SOAT1: variants seen among roughly 807,000 people sequenced by gnomAD.
The protein encoded by SOAT1 is acyl-coenzyme A:cholesterol acyltransferase 1.
Under a neutral mutation model 69.5 loss-of-function variants are expected in SOAT1, and 55 were observed. The ratio of observed to expected loss-of-function variants is 0.79; its 90% CI spans 0.64 to 0.99. SOAT1 has a LOEUF of 0.99. SOAT1 is among the 50% of genes least tolerant of loss of function. The pLI is 0.00. For missense variants in SOAT1, 580 were observed against 669.3 expected (o/e 0.87, Z 1.47); for synonymous variants, 231 against 224.7 (o/e 1.03, Z -0.25).
intron 1 of SOAT1, among the ~76,000 whole-genome samples, chr1:179,299,565 T>G (rs1558034321): frequency 1.3e-5 from 2 of 151,954 alleles, no homozygotes; most frequent in Non-Finnish European, 2.9e-5. Context: ...ATTTGGAAAA[T>G]AACAATAGTA....
Position 179,343,005 on chromosome 1 carries a change from A to T in SOAT1, c.941+62A>T, listed in dbSNP as rs1393991925. The T allele has an allele frequency of 3.1e-6, 4 of 1,295,920 alleles. No individual in the cohort carries two copies. In the South Asian group the frequency reaches 4.7e-5, roughly 15 times the overall value. The allele number at this position is 1,295,920 out of a possible 1,614,324, so 80.3% of individuals were successfully genotyped here. Reference sequence around the variant, plus strand: ...AAAAGTGTGGCATGAGTGAGGTGGGATAGGTAAACAGGGGCCAGTTCATGT... The same window carrying T: ...AAAAGTGTGGCATGAGTGAGGTGGGTTAGGTAAACAGGGGCCAGTTCATGT... On this transcript the variant is annotated intron_variant, in intron 9 of 15. Coordinates refer to ENST00000367619, the MANE Select transcript of SOAT1 (RefSeq NM_003101.6).
At chr1:179,323,045 C>CT (rs36045111) in intron 2 of SOAT1, among the ~76,000 whole-genome samples, 40,706 of 126,600 alleles carry the variant, frequency 0.32, 6,908 homozygotes, top group Non-Finnish European at 0.37. Flanking sequence ...TCTTTTCTTT[C>CT]TTTTTTTTTT....
chr1:179,306,063 CAA>C (rs1664991819), intron 2 of SOAT1, among the ~76,000 whole-genome samples: 1 of 152,072 alleles, frequency 6.6e-6, no homozygotes, highest in Non-Finnish European at 1.5e-5. Context: ...TATGCATTTG[CAA>C]AGACTTTTTA....
chr1:179,308,070 G>A (rs1268164240), intron 2 of SOAT1, among the ~76,000 whole-genome samples: 2 of 152,084 alleles, frequency 1.3e-5, no homozygotes, highest in East Asian at 1.9e-4. Flanking sequence ...TATTACAGGC[G>A]TGAGCCACTG....
At chr1:179,304,570 G>C (rs1410159507) in intron 2 of SOAT1, among the ~76,000 whole-genome samples, 1 of 151,898 alleles carries the variant, frequency 6.6e-6, no homozygotes, top group Non-Finnish European at 1.5e-5. Context: ...GAGCCACCAT[G>C]CCCAGCCCTT....
chr1:179,297,695 C>G (rs1664697036), intron 1 of SOAT1, among the ~76,000 whole-genome samples: 1 of 145,942 alleles, frequency 6.9e-6, no homozygotes, highest in African/African-American at 2.6e-5. Flanking sequence ...GATCATGCCA[C>G]TGCACTTCAA....
intron 2 of SOAT1, among the ~76,000 whole-genome samples, chr1:179,315,786 G>T (rs1443399323): frequency 6.6e-6 from 1 of 152,148 alleles, no homozygotes. Flanking sequence ...TTTTGGAAGG[G>T]ATGCACAAGT....
intron 15 of SOAT1, among the ~76,000 whole-genome samples, chr1:179,351,721 ATT>A (rs71901753): frequency 2.9e-4 from 31 of 106,440 alleles, no homozygotes; most frequent in Non-Finnish European, 3.2e-4. Flanking sequence ...GCCCCTTCTA[ATT>A]TTTTTTTTTT....
chr1:179,301,043 C>T (rs1012417076), intron 1 of SOAT1, among the ~76,000 whole-genome samples: 4 of 152,036 alleles, frequency 2.6e-5, no homozygotes, highest in African/African-American at 9.7e-5. Context: ...TGCAGTGAGC[C>T]GAGATTGCAC....
chr1:179,341,860 AT>A (rs1666351451), intron 7 of SOAT1: 2 of 219,274 alleles, frequency 9.1e-6, no homozygotes, highest in African/African-American at 4.7e-5. Flanking sequence ...ATGCATCAAG[AT>A]TTTGTTTCTG....
rs1666826251 is a variant in SOAT1, at chr1:179,353,792, G to T, written c.*151G>T. On this transcript the variant is annotated 3_prime_UTR_variant, in exon 16 of 16. Transcript: ENST00000367619. ...TCACTCCATTCCTAGGTCACTTGAA[G>T]CCAAACTGTTGGAAGTTCACTGGAG... is the stretch of plus-strand genomic sequence containing the variant. The T allele has an allele frequency of 1.4e-6, 1 of 692,476 alleles. No individual in the cohort carries two copies. The highest frequency in any genetic ancestry group is 2.5e-4 in the Middle Eastern group (1 of 4,050). 42.9% of individuals were successfully genotyped at this position (692,476 alleles called of 1,614,324 possible).
intron 11 of SOAT1, among the ~76,000 whole-genome samples, chr1:179,346,779 A>G (rs558446329): frequency 3.9e-5 from 6 of 152,178 alleles, no homozygotes; most frequent in South Asian, 2.1e-4. Context: ...CTCTCCTCCA[A>G]TTGTCACAGC....
chr1:179,308,879 A>C (rs534208459), intron 2 of SOAT1, among the ~76,000 whole-genome samples: 2 of 152,128 alleles, frequency 1.3e-5, no homozygotes, highest in East Asian at 3.9e-4. Flanking sequence ...TATACTTTGT[A>C]AGTCTCAGAT....
At position 179,342,886 on chromosome 1, in the gene SOAT1, AC is replaced by A; in HGVS notation, c.886del (p.Gln296SerfsTer23). 6.2e-7 allele frequency: 1 copy of A among 1,613,760 alleles called. No individual in the cohort carries two copies. The highest frequency in any genetic ancestry group is 8.5e-7 in the Non-Finnish European group (1 of 1,179,692). ...KSSTVPIPTVNQYLYFLFAPT... is the reference protein window; with the variant it reads ...KSSTVPIPTVXQYLYFLFAPT... ...GGCACTGTTCCAATACCTACAGTCA[AC>A]CAGTATTTGTACTTCTTATTTGCTC... On this transcript the variant is annotated frameshift_variant, in exon 9 of 16. Transcript: ENST00000367619. LOFTEE classifies it high-confidence loss of function.
intron 3 of SOAT1, among the ~76,000 whole-genome samples, chr1:179,325,147 A>ATTTTTTTTTT (rs35938597): frequency 1.0e-5 from 1 of 96,842 alleles, no homozygotes; most frequent in African/African-American, 3.9e-5. Flanking sequence ...TTAGTGACTA[A>ATTTTTTTTTT]TTTTTTTTTT....
rs765909844 is a variant in SOAT1, at chr1:179,342,206, TTTG to T, written c.859+17_859+19del. On this transcript the variant is annotated intron_variant, in intron 8 of 15. Transcript: ENST00000367619. ...AGGAGAAATCAAGTATGTAATTTCT[TTTG>T]TTCATTATTTCTTCCTCCCCTCCCC... 6.2e-7 allele frequency: 1 copy of T among 1,601,666 alleles called. No individual in the cohort carries two copies. Among genetic ancestry groups the T allele is most frequent in the Admixed American group, 1.7e-5 (1 of 59,808 alleles).
chr1:179,339,581 C>G, intron 6 of SOAT1, 36 bp downstream of exon 6: 1 of 1,384,800 alleles, frequency 7.2e-7, no homozygotes, highest in Non-Finnish European at 1.0e-6. Flanking sequence ...CTAGTTGATG[C>G]ATGAGAAGTT....
chr1:179,331,809 C>A (rs1198672821), intron 3 of SOAT1, among the ~76,000 whole-genome samples: 1 of 152,100 alleles, frequency 6.6e-6, no homozygotes, highest in Non-Finnish European at 1.5e-5. Context: ...ACTGTATTAC[C>A]TGTTCCATTG....
Position 179,348,988 on chromosome 1 carries a change from C to G in SOAT1, c.1314+46C>G, listed in dbSNP as rs183942130. 85 of 1,044,422 alleles carry G rather than the reference C, an allele frequency of 8.1e-5. No homozygotes were observed. In the African/African-American group the frequency reaches 1.2e-3, roughly 15 times the overall value. 64.7% of individuals were successfully genotyped at this position (1,044,422 alleles called of 1,614,324 possible). ...TGATATTATTTATGAAATGGAGATT[C>G]TTTTTCAGAAAGTATGAGTATTATA... On this transcript the variant is annotated intron_variant, in intron 13 of 15. Coordinates refer to ENST00000367619, the MANE Select transcript of SOAT1 (RefSeq NM_003101.6).
Sources: gnomAD v4.1 joint callset for allele counts (sites outside exome capture counted in the v4.1 genomes callset) on GRCh38, gnomAD v4.1.1 for gene constraint, MANE v1.5 for transcripts, NCBI Gene and HGNC (gene_info 2026-07-23, HGNC 2026-07-21) for gene names.